The following ACOT11 variants were observed in gnomAD, a reference collection of about 807,000 sequenced individuals.
ACOT11 encodes acyl-CoA thioesterase 11.
In ACOT11, 69 loss-of-function variants were observed where a neutral mutation model predicts 77.5. That is an observed-to-expected ratio of 0.89 (90% CI 0.73 to 1.09). The LOEUF is 1.09. ACOT11 is among the 50% of genes least tolerant of loss of function. The pLI is 0.00. For synonymous variants in ACOT11, 279 were observed against 313.0 expected, an observed-to-expected ratio of 0.89 and a Z score of 1.15; for missense variants, 766 against 813.7, an observed-to-expected ratio of 0.94 and a Z score of 0.71.
At chr1:54,562,690 C>T (rs1243821318) in intron 1 of ACOT11, among the ~76,000 whole-genome samples, 6 of 87,812 alleles carry the variant, frequency 6.8e-5, no homozygotes, top group African/African-American at 2.5e-4. Context: ...ACTTCTCAGA[C>T]GGGGCGGCCG....
chr1:54,610,417 A>T, downstream of ACOT11: 1 of 1,613,102 alleles, frequency 6.2e-7, no homozygotes, highest in Non-Finnish European at 8.5e-7. Context: ...CTTACCTGGG[A>T]GGGTCATTGT....
In ACOT11 at chr1:54,554,349, ATATTTTT is replaced by A. The variant is rs1453959367; in HGVS notation, c.33+6009_33+6015del. On this transcript the variant is annotated intron_variant, in intron 1 of 15. Coordinates refer to ENST00000343744, the MANE Select transcript of ACOT11 (RefSeq NM_147161.4). The stretch of plus-strand genomic sequence containing the variant: ...TGTGTGTGTGTATATATATATATAT[ATATTTTT>A]TTTTTTTTTTTTTGAGATGGAGTCC... Among the ~76,000 whole-genome samples, 156 of 79,144 alleles carry A rather than the reference ATATTTTT, an allele frequency of 2.0e-3. 13 individuals carry two copies. In the South Asian group the frequency reaches 0.063, roughly 32 times the overall value. 51.9% of individuals were successfully genotyped at this position (79,144 alleles called of 152,430 possible).
At chr1:54,594,121 GT>G in intron 5 of ACOT11, 82 bp downstream of exon 5, 1 of 1,318,116 alleles carries the variant, frequency 7.6e-7, no homozygotes. Context: ...GGGGAATGAG[GT>G]TAGGGGTTGG....
At chr1:54,620,158 AT>A (rs1421862322) in intron 15 of ACOT11, 1 of 828,266 alleles carries the variant, frequency 1.2e-6, no homozygotes, top group Non-Finnish European at 1.8e-6. Flanking sequence ...TGGTGCTACA[AT>A]AGAGGGAAAT....
chr1:54,574,457 G>T (rs1654033177), intron 1 of ACOT11, among the ~76,000 whole-genome samples: 1 of 152,214 alleles, frequency 6.6e-6, no homozygotes, highest in Non-Finnish European at 1.5e-5. Flanking sequence ...CTGCAGGCCT[G>T]ACTCAGTCTC....
chr1:54,565,378 C>T (rs1438746745), intron 1 of ACOT11, among the ~76,000 whole-genome samples: 1 of 152,140 alleles, frequency 6.6e-6, no homozygotes, highest in Non-Finnish European at 1.5e-5. Flanking sequence ...ACAAGGTGTC[C>T]AAAGTCCCAG....
chr1:54,618,447 G>A (rs574833471), intron 15 of ACOT11, among the ~76,000 whole-genome samples: 5 of 152,298 alleles, frequency 3.3e-5, no homozygotes, highest in Admixed American at 6.5e-5. Flanking sequence ...GGAGGTTGCA[G>A]TGAGCCAAGA....
chr1:54,572,835 CA>C (rs1653971810), intron 1 of ACOT11, among the ~76,000 whole-genome samples: 2 of 152,344 alleles, frequency 1.3e-5, no homozygotes, highest in Admixed American at 6.5e-5. Flanking sequence ...TCATGCTGGA[CA>C]GCCACCAGAG....
rs978156911 is a variant in ACOT11, at chr1:54,602,713, C to T, written c.1074C>T (p.Ile358=). 14 of 1,552,162 alleles carry T rather than the reference C, an allele frequency of 9.0e-6. No individual in the cohort carries two copies. The highest frequency in any genetic ancestry group is 1.2e-5 in the Non-Finnish European group (14 of 1,150,214). Residue 358 remains isoleucine (I), a synonymous_variant, in exon 10 of 16, where the codon ATC becomes ATT. Transcript: ENST00000343744. ...GAGAGGCCAGTGCCAGAAAGAAGATCCGCCTGGACAGGTGAGTAGGGGCTG... is the reference window on the plus strand; with the variant it reads ...GAGAGGCCAGTGCCAGAAAGAAGATTCGCCTGGACAGGTGAGTAGGGGCTG... The part of the protein sequence containing the change: ...RYREASARKK[I]RLDRKYIVSC...
chr1:54,612,697 C>T, downstream of ACOT11: 1 of 1,613,538 alleles, frequency 6.2e-7, no homozygotes. Context: ...TTCTCCTGGA[C>T]CAGGGCCAGG....
At position 54,548,343 on chromosome 1, in the gene ACOT11, G is replaced by A. The variant is rs372254177; in HGVS notation, c.33+1G>A. The A allele has an allele frequency of 1.3e-5, 21 of 1,601,566 alleles. No homozygotes were observed. In the African/African-American group the frequency reaches 2.5e-4, roughly 19 times the overall value. On this transcript the variant is annotated splice_donor_variant, in intron 1 of 15. Transcript: ENST00000343744. LOFTEE classifies it high-confidence loss of function. ...GAATGTCGGAAATCACCTGCGACGG[G>A]TATGGAGGGTGGGCTGGGGCAGCGG...
intron 1 of ACOT11, among the ~76,000 whole-genome samples, chr1:54,552,562 G>C (rs1047199985): frequency 3.3e-5 from 5 of 151,996 alleles, no homozygotes; most frequent in African/African-American, 1.2e-4. Flanking sequence ...TGCCATCTCA[G>C]CTAACTGCAA....
intron 16 of ACOT11, among the ~76,000 whole-genome samples, chr1:54,631,583 A>G (rs1349948961): frequency 6.6e-6 from 1 of 152,150 alleles, no homozygotes; most frequent in Non-Finnish European, 1.5e-5. Flanking sequence ...ACTGCAGACC[A>G]ACTTTCGGGG....
At chr1:54,624,723 G>A (rs180741155) in intron 15 of ACOT11, among the ~76,000 whole-genome samples, 8 of 152,200 alleles carry the variant, frequency 5.3e-5, no homozygotes, top group Non-Finnish European at 8.8e-5. Context: ...CAAGGCCCCC[G>A]ATGCTGGCCA....
intron 1 of ACOT11, among the ~76,000 whole-genome samples, chr1:54,550,745 C>G (rs1293794401): frequency 6.6e-6 from 1 of 151,570 alleles, no homozygotes; most frequent in African/African-American, 2.4e-5. Context: ...CTTGAGCCTG[C>G]CTGGGAGGCG....
chr1:54,612,687 T>C (rs373191580), downstream of ACOT11: 46 of 1,613,798 alleles, frequency 2.9e-5, no homozygotes, highest in African/African-American at 5.6e-4. Context: ...CTTGGGATAC[T>C]TCTCCTGGAC....
At chr1:54,594,424 G>C in intron 5 of ACOT11, 132 bp from the exon 6 acceptor site, 4 of 1,216,676 alleles carry the variant, frequency 3.3e-6, no homozygotes, top group Non-Finnish European at 4.5e-6. Flanking sequence ...GAGGGAGGAA[G>C]CCTTGGAACT....
Position 54,607,088 on chromosome 1 carries a change from G to T in ACOT11, c.1371-46G>T. 1 of 1,611,296 alleles carries T rather than the reference G, an allele frequency of 6.2e-7. No homozygotes were observed. On this transcript the variant is annotated intron_variant, in intron 13 of 15. Coordinates refer to ENST00000343744, the MANE Select transcript of ACOT11 (RefSeq NM_147161.4). This position sits in a 1 kb window ranked among gnomAD's most constrained non-coding sequence, Gnocchi z 4.5. ...CCCGGGCAGACCCGCTGCTTGCATG[G>T]GAGCTGGAAGCTTCCTGGGGCACTG...
intron 9 of ACOT11, among the ~76,000 whole-genome samples, chr1:54,601,775 G>T (rs538940280): frequency 1.3e-5 from 2 of 152,238 alleles, no homozygotes; most frequent in Non-Finnish European, 2.9e-5. Flanking sequence ...GTCTCCATTT[G>T]TAAAATGGGT....
Sources: gnomAD v4.1 joint callset for allele counts (sites outside exome capture counted in the v4.1 genomes callset) on GRCh38, gnomAD v4.1.1 for gene constraint, Gnocchi (gnomAD v3.1) non-coding constraint, MANE v1.5 for transcripts, NCBI Gene and HGNC (gene_info 2026-07-23, HGNC 2026-07-21) for gene names.